The following IARS1 variants were observed in gnomAD, a reference collection of about 807,000 sequenced individuals.
The protein encoded by IARS1 is isoleucyl-tRNA synthetase 1.
Under a neutral mutation model 168.2 loss-of-function variants are expected in IARS1, and 124 were observed. The ratio of observed to expected loss-of-function variants is 0.74; its 90% CI spans 0.64 to 0.86. IARS1 has a LOEUF of 0.86. Ranked by LOEUF, IARS1 falls within the 40% of genes least tolerant of loss-of-function variation. The pLI is 0.00. For missense variants in IARS1, 1,452 were observed against 1,515.8 expected (o/e 0.96, Z 0.70); for synonymous variants, 532 against 529.4 (o/e 1.00, Z -0.07).
chr9:92,277,910 A>T lies in IARS1; in HGVS notation c.847T>A (p.Tyr283Asn). 6.2e-7 allele frequency: 1 copy of T among 1,613,870 alleles called. No homozygotes were observed. Among genetic ancestry groups the T allele is most frequent in the Non-Finnish European group, 8.5e-7 (1 of 1,179,884 alleles). Reference protein sequence around the residue: ...YEILERFPGAYLKGKKYRPLF... With the variant: ...YEILERFPGANLKGKKYRPLF... ...GGCCTGTACTTCTTGCCTTTAAGAT[A>T]GGCACCAGGAAATCTAGAAAAGGAG... Residue 283 changes from tyrosine (Y) to asparagine (N), a missense_variant, in exon 9 of 34, where the codon TAT becomes AAT. Coordinates refer to ENST00000443024, the MANE Select transcript of IARS1 (RefSeq NM_002161.6).
chr9:92,225,342 T>C (rs185483004), intron 31 of IARS1, among the ~76,000 whole-genome samples: 17 of 152,336 alleles, frequency 1.1e-4, no homozygotes, highest in Non-Finnish European at 1.6e-4. Flanking sequence ...TATTAATATA[T>C]ATTAGCCAAT....
rs1830501098 is a variant in IARS1, at chr9:92,254,859, AAC to A, written c.2138-1408_2138-1407del. Among the ~76,000 whole-genome samples, 6 of 152,254 alleles carry A rather than the reference AAC, an allele frequency of 3.9e-5. No individual in the cohort carries two copies. The South Asian group carries it at 1.2e-3, about 32-fold the overall frequency. On this transcript the variant is annotated intron_variant, in intron 20 of 33. Transcript: ENST00000443024. ...GACAGGCCGGCAGAACCGGGACTTA[AAC>A]ACGGCCCACAAAACGTGGCTGCCGA...
intron 20 of IARS1, chr9:92,256,391 G>A (rs1830725183): frequency 5.9e-6 from 1 of 169,012 alleles, no homozygotes; most frequent in Non-Finnish European, 1.3e-5. Context: ...GTTTCGCCAT[G>A]TTGGCCAGGC....
chr9:92,283,849 GT>G (rs749053074), intron 6 of IARS1, among the ~76,000 whole-genome samples: 7 of 152,096 alleles, frequency 4.6e-5, no homozygotes, highest in East Asian at 3.9e-4. Flanking sequence ...AACTGATGAT[GT>G]TCAGGAATTA....
chr9:92,226,787 T>C (rs1430957305), intron 31 of IARS1, among the ~76,000 whole-genome samples: 2 of 152,054 alleles, frequency 1.3e-5, no homozygotes, highest in African/African-American at 4.8e-5. Flanking sequence ...TGTGTTTCTA[T>C]GTCTTCACAT....
intron 7 of IARS1, among the ~76,000 whole-genome samples, chr9:92,278,906 A>G (rs117221814): frequency 2.6e-5 from 4 of 152,276 alleles, no homozygotes; most frequent in African/African-American, 4.8e-5. Flanking sequence ...ATTGCTTTCA[A>G]ATTTTCACTA....
At chr9:92,270,040 G>A (rs1832799924) in intron 12 of IARS1, 57 bp from the exon 13 acceptor site, 1 of 1,066,632 alleles carries the variant, frequency 9.4e-7, no homozygotes, top group African/African-American at 1.6e-5. Flanking sequence ...AGGCACTACG[G>A]TAAGACTGAC....
intron 30 of IARS1, among the ~76,000 whole-genome samples, chr9:92,239,386 T>TA (rs1247223930): frequency 2.0e-5 from 3 of 152,256 alleles, no homozygotes; most frequent in Admixed American, 6.5e-5. Flanking sequence ...TTCTGGCCTC[T>TA]GTAGTTCCTG....
At chr9:92,260,833 C>G (rs78793722) in intron 17 of IARS1, among the ~76,000 whole-genome samples, 4 of 152,320 alleles carry the variant, frequency 2.6e-5, no homozygotes, top group African/African-American at 9.6e-5. Flanking sequence ...AACCTATTAT[C>G]AATTGTTCAC....
In IARS1 at chr9:92,250,695, T is replaced by C; in HGVS notation, c.2429+18A>G. 10 of 1,586,360 alleles carry C rather than the reference T, an allele frequency of 6.3e-6. No homozygotes were observed. Among genetic ancestry groups the C allele is most frequent in the Non-Finnish European group, 7.7e-6 (9 of 1,166,274 alleles). ...CCCTCCTTGGCACAGGTGAGGCTTA[T>C]TTCTATTTGAGTCCTACCGAACACG... On this transcript the variant is annotated intron_variant, in intron 23 of 33. Transcript: ENST00000443024.
At chr9:92,211,762 A>G (rs1293794385) in intron 33 of IARS1, among the ~76,000 whole-genome samples, 1 of 152,212 alleles carries the variant, frequency 6.6e-6, no homozygotes, top group African/African-American at 2.4e-5. Flanking sequence ...ATGATTCTCT[A>G]TAATTTGAAG....
At chr9:92,234,552 G>A (rs919432688) in intron 30 of IARS1, among the ~76,000 whole-genome samples, 2 of 152,196 alleles carry the variant, frequency 1.3e-5, no homozygotes, top group Non-Finnish European at 2.9e-5. Flanking sequence ...TCTTATCACT[G>A]CTCATGCTGC....
At chr9:92,283,351 T>G (rs1459605159) in intron 6 of IARS1, among the ~76,000 whole-genome samples, 1 of 152,204 alleles carries the variant, frequency 6.6e-6, no homozygotes, top group African/African-American at 2.4e-5. Flanking sequence ...AAGTATACTC[T>G]GTGACTCACC....
rs1332054244 is a variant in IARS1, at chr9:92,271,104, T to C, written c.1114-28A>G. On this transcript the variant is annotated intron_variant, in intron 11 of 33. Transcript: ENST00000443024. ...ATTAAAAAAAATTAAAATTTAGCCA[T>C]TAAAACATACTATAATACTTAGGAA... 3.4e-6 allele frequency: 5 copies of C among 1,459,722 alleles called. 1 individual carries two copies. The highest frequency in any genetic ancestry group is 2.4e-5 in the South Asian group (2 of 83,214). The allele number at this position is 1,459,722 out of a possible 1,614,324, so 90.4% of individuals were successfully genotyped here. A position where few individuals can be genotyped will look rare whatever the true frequency, so the allele number is the denominator to read the frequency against.
At chr9:92,251,005 A>C in intron 22 of IARS1, 171 bp from the exon 23 acceptor site, 6 of 675,052 alleles carry the variant, frequency 8.9e-6, no homozygotes, top group Non-Finnish European at 1.3e-5. Flanking sequence ...CATATCCCTG[A>C]AGCATAGCTG....
At chr9:92,231,641 T>C (rs369846091) in intron 30 of IARS1, among the ~76,000 whole-genome samples, 6 of 151,400 alleles carry the variant, frequency 4.0e-5, no homozygotes, top group African/African-American at 1.5e-4. Context: ...TTAGTCAGGC[T>C]GGTCTTGAAC....
chr9:92,255,243 C>A lies in IARS1; in HGVS notation c.2137+1437G>T, dbSNP rs576881069. Among the ~76,000 whole-genome samples, 306 of 152,356 alleles carry A rather than the reference C, an allele frequency of 2.0e-3. 1 individual carries two copies. The highest frequency in any genetic ancestry group is 2.5e-3 in the Non-Finnish European group (170 of 68,034). The stretch of plus-strand genomic sequence containing the variant: ...TCTGTGCTAAATGGGGCAGCAGCGC[C>A]TACTCCAGGGAGCAGCATGTGCCCG... On this transcript the variant is annotated intron_variant, in intron 20 of 33. Coordinates refer to ENST00000443024, the MANE Select transcript of IARS1 (RefSeq NM_002161.6).
Position 92,269,928 on chromosome 9 carries a change from T to C in IARS1, c.1261A>G (p.Asn421Asp), listed in dbSNP as rs1009912278. Residue 421 changes from asparagine to aspartate, a missense_variant, in exon 13 of 34, where the codon AAC (asparagine) becomes GAC (aspartate). Coordinates refer to ENST00000443024, the MANE Select transcript of IARS1 (RefSeq NM_002161.6). ...AVPSWFVRVE[N>D]MVDQLLRNND... ...TTCCTTAGGAGCTGGTCCACCATGT[T>C]CTCCACTCGCACAAACCAGCTGGGC... The C allele has an allele frequency of 1.9e-6, 3 of 1,613,754 alleles. No homozygotes were observed. The highest frequency in any genetic ancestry group is 3.3e-5 in the Admixed American group (2 of 60,000).
chr9:92,284,199 AG>A (rs1835081811), intron 6 of IARS1, among the ~76,000 whole-genome samples: 1 of 152,030 alleles, frequency 6.6e-6, no homozygotes, highest in African/African-American at 2.4e-5. Context: ...AACAACAAAA[AG>A]GTAACTGCTG....
Sources: gnomAD v4.1 joint callset for allele counts (sites outside exome capture counted in the v4.1 genomes callset) on GRCh38, gnomAD v4.1.1 for gene constraint, MANE v1.5 for transcripts, NCBI Gene and HGNC (gene_info 2026-07-23, HGNC 2026-07-21) for gene names.